Variants in PODN observed in about 807,000 individuals in gnomAD.
PODN encodes the protein podocan.
Under a neutral mutation model 52.7 loss-of-function variants are expected in PODN, and 40 were observed. The ratio of observed to expected loss-of-function variants is 0.76; its 90% CI spans 0.59 to 0.99. The LOEUF (loss-of-function observed/expected upper bound fraction) is 0.99, where lower values mean the gene tolerates loss of function less well. PODN is among the 50% of genes least tolerant of loss of function. PODN has a pLI of 0.00. For synonymous variants in PODN, 396 were observed against 377.9 expected (o/e 1.05, Z -0.56); for missense variants, 720 against 815.1 (o/e 0.88, Z 1.42).
At chr1:53,068,307 G>T (rs1051598633) in intron 1 of PODN, among the ~76,000 whole-genome samples, 3 of 152,326 alleles carry the variant, frequency 2.0e-5, no homozygotes, top group Non-Finnish European at 4.4e-5. Flanking sequence ...TAGGACCAGG[G>T]TCTTGCCAGA....
intron 7 of PODN, 29 bp from the exon 8 acceptor site, chr1:53,078,336 C>A: frequency 6.3e-7 from 1 of 1,584,654 alleles, no homozygotes; most frequent in South Asian, 1.1e-5. Context: ...GGGCTCTTGC[C>A]AACCGTCCTA....
rs746944147 is a variant in PODN, at chr1:53,071,492, C to A, written c.313-43C>A. The A allele has an allele frequency of 5.9e-6, 9 of 1,523,708 alleles. No individual in the cohort carries two copies. The Admixed American group carries it at 1.2e-4, about 20-fold the overall frequency. 94.4% of individuals were successfully genotyped at this position (1,523,708 alleles called of 1,614,324 possible). On this transcript the variant is annotated intron_variant, in intron 2 of 10. Coordinates refer to ENST00000312553, the MANE Select transcript of PODN (RefSeq NM_153703.5). ...AGGGAATGGAGTCCAGGGCACACCC[C>A]ACTAGGCTGATGCTGCTTCCTTGCG... is the stretch of plus-strand genomic sequence containing the variant.
chr1:53,071,517 G>T lies in PODN; in HGVS notation c.313-18G>T, dbSNP rs1297663934. 7 of 1,603,802 alleles carry T rather than the reference G, an allele frequency of 4.4e-6. No individual in the cohort carries two copies. The highest frequency in any genetic ancestry group is 6.0e-6 in the Non-Finnish European group (7 of 1,171,966). ...CACTAGGCTGATGCTGCTTCCTTGC[G>T]GCCCCCTACCCCCCTAGAACAACCA... is the stretch of plus-strand genomic sequence containing the variant. On this transcript the variant is annotated intron_variant, in intron 2 of 10. Transcript: ENST00000312553.
chr1:53,082,678 T>C (rs1202324628), intron 10 of PODN, among the ~76,000 whole-genome samples: 1 of 152,210 alleles, frequency 6.6e-6, no homozygotes, highest in South Asian at 2.1e-4. Context: ...CATGTGCACA[T>C]GCACACAAAT....
rs1212496347 is a variant in PODN, at chr1:53,077,211, C to G, written c.603C>G (p.Asn201Lys). Residue 201 changes from asparagine (N) to lysine (K), a missense_variant, in exon 6 of 11, where the codon AAC becomes AAG. Physicochemically the swap from Asn to Lys is moderately conservative, Grantham distance 94. Coordinates refer to ENST00000312553, the MANE Select transcript of PODN (RefSeq NM_153703.5). Reference sequence around the variant, plus strand: ...CCAGGTCTGTGTACCTGCACAACAACAAGCTGGCAGACGCCGGGCTGCCGG... The same window carrying G: ...CCAGGTCTGTGTACCTGCACAACAAGAAGCTGGCAGACGCCGGGCTGCCGG... ...PNLRSVYLHN[N>K]KLADAGLPDN... 2 of 1,613,388 alleles carry G rather than the reference C, an allele frequency of 1.2e-6. No homozygotes were observed. The highest frequency in any genetic ancestry group is 2.2e-5 in the East Asian group (1 of 44,884).
intron 1 of PODN, among the ~76,000 whole-genome samples, chr1:53,065,936 G>T (rs1027126032): frequency 4.0e-5 from 6 of 149,872 alleles, no homozygotes; most frequent in African/African-American, 1.5e-4. Context: ...CTGTCCAATA[G>T]AAATGTAACG....
intron 10 of PODN, among the ~76,000 whole-genome samples, chr1:53,082,477 T>C (rs1228347972): frequency 6.6e-6 from 1 of 152,038 alleles, no homozygotes; most frequent in Admixed American, 6.5e-5. Context: ...AGGTCTGGTC[T>C]GGAGAGAGGG....
intron 1 of PODN, among the ~76,000 whole-genome samples, chr1:53,062,664 G>A (rs1643974875): frequency 6.6e-6 from 1 of 152,228 alleles, no homozygotes; most frequent in Non-Finnish European, 1.5e-5. Context: ...GGGGCAGGTG[G>A]AACTGCGTAG....
chr1:53,062,937 G>A (rs893656379), intron 1 of PODN, among the ~76,000 whole-genome samples: 1 of 152,252 alleles, frequency 6.6e-6, no homozygotes, highest in African/African-American at 2.4e-5. Context: ...GCGGTCTGGA[G>A]TCCGTCTATC....
At position 53,080,714 on chromosome 1, in the gene PODN, G is replaced by T; in HGVS notation, c.1513-14G>T. 1.2e-6 allele frequency: 2 copies of T among 1,612,460 alleles called. No homozygotes were observed. The highest frequency in any genetic ancestry group is 1.7e-6 in the Non-Finnish European group (2 of 1,179,240). ...ACAGGTGGGAGTCCCTGACTCCCTT[G>T]GTCACCCCTGCAGCTGCTGGACATC... On this transcript the variant is annotated splice_polypyrimidine_tract_variant and intron_variant, in intron 8 of 10. Coordinates refer to ENST00000312553, the MANE Select transcript of PODN (RefSeq NM_153703.5).
intron 7 of PODN, 54 bp downstream of exon 7, chr1:53,077,854 C>T: frequency 6.8e-7 from 1 of 1,475,206 alleles, no homozygotes; most frequent in Non-Finnish European, 9.4e-7. Context: ...CGGGAAGCTC[C>T]TTCAGGGCCA....
intron 1 of PODN, among the ~76,000 whole-genome samples, 168 bp from the exon 2 acceptor site, chr1:53,069,633 C>T (rs986967593): frequency 1.3e-5 from 2 of 152,234 alleles, no homozygotes; most frequent in South Asian, 2.1e-4. Context: ...GGCTTTACCT[C>T]GTCCCCCGCC....
chr1:53,071,614 G>T lies in PODN; in HGVS notation c.392G>T (p.Arg131Leu). Reference protein sequence around the residue: ...RLETLNLQNNRLTSRGLPEKA... With the variant: ...RLETLNLQNNLLTSRGLPEKA... ...GAGACGCTGAACCTGCAAAACAACC[G>T]CCTGACTTCCCGAGGTGAGGGGCCA... The change falls in exon 3 of 11, where the codon CGC (arginine) becomes CTC (leucine). Residue 131 changes from arginine to leucine, a missense_variant. By Grantham distance (102) the Arg-to-Leu change is moderately radical. Coordinates refer to ENST00000312553, the MANE Select transcript of PODN (RefSeq NM_153703.5). The T allele has an allele frequency of 6.2e-7, 1 of 1,613,698 alleles. No homozygotes were observed. The highest frequency in any genetic ancestry group is 8.5e-7 in the Non-Finnish European group (1 of 1,179,868).
Position 53,070,154 on chromosome 1 carries a change from A to C in PODN, c.299A>C (p.His100Pro). ...GGGGACCTGCCTGAGCACACCAACC[A>C]CCTATCTCTGCAGGTGAGGTCGGCG... Reference protein sequence around the residue: ...FPGDLPEHTNHLSLQNNQLEK... With the variant: ...FPGDLPEHTNPLSLQNNQLEK... The change falls in exon 2 of 11, where the codon CAC (histidine) becomes CCC (proline). Residue 100 changes from histidine (H) to proline (P), a missense_variant. Transcript: ENST00000312553. 1 of 1,608,276 alleles carries C rather than the reference A, an allele frequency of 6.2e-7. No homozygotes were observed. The highest frequency in any genetic ancestry group is 1.1e-5 in the South Asian group (1 of 91,040).
intron 1 of PODN, among the ~76,000 whole-genome samples, chr1:53,063,738 C>G (rs75914260): frequency 0.019 from 2,858 of 152,308 alleles, 101 homozygotes; most frequent in African/African-American, 0.065. Context: ...TGGGAGCACA[C>G]TTTATCCCTT....
chr1:53,076,063 C>T (rs754204983), intron 5 of PODN, 92 bp downstream of exon 5: 77 of 1,102,390 alleles, frequency 7.0e-5, no homozygotes, highest in Middle Eastern at 4.0e-4. Context: ...AGACAGGTCC[C>T]GAAGGAGGCC....
intron 1 of PODN, chr1:53,063,538 T>A (rs1294141881): frequency 1.0e-6 from 1 of 985,410 alleles, no homozygotes; most frequent in African/African-American, 1.7e-5. Flanking sequence ...CCGGCTGATC[T>A]GCAGGCGCAC....
intron 1 of PODN, chr1:53,063,636 T>C: frequency 1.1e-6 from 1 of 946,316 alleles, no homozygotes; most frequent in Non-Finnish European, 1.3e-6. Context: ...TGCTCCCTCA[T>C]GTCCACTCTT....
rs113179025 is a variant in PODN, at chr1:53,080,967, C to T, written c.1661+91C>T. 39 of 1,498,592 alleles carry T rather than the reference C, an allele frequency of 2.6e-5. No homozygotes were observed. The African/African-American group carries it at 4.1e-4, about 16-fold the overall frequency. The allele number at this position is 1,498,592 out of a possible 1,614,324, so 92.8% of individuals were successfully genotyped here. ...TGATGCACGTGGGAACAGCTTGGCT[C>T]CACTGCTGCCTGTGTAACCACGGCT... is the stretch of plus-strand genomic sequence containing the variant. On this transcript the variant is annotated intron_variant, in intron 9 of 10. Transcript: ENST00000312553.
Sources: gnomAD v4.1 joint callset for allele counts (sites outside exome capture counted in the v4.1 genomes callset) on GRCh38, gnomAD v4.1.1 for gene constraint, MANE v1.5 for transcripts, NCBI Gene and HGNC (gene_info 2026-07-23, HGNC 2026-07-21) for gene names.